Variants in IGF2BP2 observed in about 807,000 individuals in gnomAD.
The protein encoded by IGF2BP2 is insulin-like growth factor 2 mRNA-binding protein 2.
A neutral mutation model predicts 75.8 loss-of-function variants in IGF2BP2; 17 were observed. That is an observed-to-expected ratio of 0.22 (90% CI 0.15 to 0.34). The LOEUF (loss-of-function observed/expected upper bound fraction) is 0.34, where lower values mean the gene tolerates loss of function less well. Among genes scored for constraint, IGF2BP2 ranks in the 10% least tolerant of loss-of-function variants. IGF2BP2 has a pLI of 1.00. For missense variants in IGF2BP2, 516 were observed against 772.4 expected (o/e 0.67, Z 3.93); for synonymous variants, 288 against 295.6 (o/e 0.97, Z 0.26).
At chr3:185,782,755 T>A (rs1280420802) in intron 2 of IGF2BP2, among the ~76,000 whole-genome samples, 1 of 152,096 alleles carries the variant, frequency 6.6e-6, no homozygotes, top group African/African-American at 2.4e-5. Context: ...AGCATGAAAC[T>A]CACAGGGTAC....
intron 7 of IGF2BP2, among the ~76,000 whole-genome samples, chr3:185,679,384 T>A (rs1720032286): frequency 6.6e-6 from 1 of 152,182 alleles, no homozygotes; most frequent in South Asian, 2.1e-4. Flanking sequence ...TCTACTTTTT[T>A]ACCCCATCCC....
rs781120371 is a variant in IGF2BP2 at position 185,697,095 on chromosome 3, T to TTTTTG, written c.289-437_289-433dup. On this transcript the variant is annotated intron_variant, in intron 3 of 15. Coordinates refer to ENST00000382199, the MANE Select transcript of IGF2BP2 (RefSeq NM_006548.6). ...TTGAAATGTTCCATAATAATCAGGTTTTTTGTTTTGTTTTGTTTTGTTTGA... is the reference window on the plus strand; with the variant it reads ...TTGAAATGTTCCATAATAATCAGGTTTTTTGTTTTGTTTTGTTTTGTTTTGTTTGA... 2.0e-3 allele frequency among the ~76,000 whole-genome samples: 297 copies of TTTTTG among 148,944 alleles called. 1 individual carries two copies. The highest frequency in any genetic ancestry group is 5.4e-3 in the African/African-American group (214 of 39,568).
intron 2 of IGF2BP2, among the ~76,000 whole-genome samples, chr3:185,810,323 A>G (rs146891093): frequency 1.3e-5 from 2 of 152,236 alleles, no homozygotes; most frequent in African/African-American, 4.8e-5. Context: ...ACAGAAGCAG[A>G]GTCCATATGG....
intron 9 of IGF2BP2, chr3:185,674,890 G>C (rs1312361761): frequency 6.5e-6 from 1 of 154,718 alleles, no homozygotes; most frequent in Non-Finnish European, 1.4e-5. Context: ...GGAGTGCAGT[G>C]GTGTAATGCC....
At chr3:185,802,046 G>C (rs1738361821) in intron 2 of IGF2BP2, among the ~76,000 whole-genome samples, 1 of 151,970 alleles carries the variant, frequency 6.6e-6, no homozygotes, top group Non-Finnish European at 1.5e-5. Context: ...AGAGCATTAA[G>C]ACAAATACCT....
chr3:185,677,523 G>C (rs1474565702), intron 7 of IGF2BP2, among the ~76,000 whole-genome samples: 1 of 152,058 alleles, frequency 6.6e-6, no homozygotes, highest in African/African-American at 2.4e-5. Context: ...TTTTTCAAAT[G>C]CCCAAATCCC....
chr3:185,673,876 C>G (rs1226895517), intron 9 of IGF2BP2, among the ~76,000 whole-genome samples: 1 of 152,190 alleles, frequency 6.6e-6, no homozygotes, highest in African/African-American at 2.4e-5. Context: ...CACTCAGGCC[C>G]TTCTGTAGCT....
chr3:185,717,992 T>C (rs1725897023), intron 2 of IGF2BP2: 1 of 152,268 alleles, frequency 6.6e-6, no homozygotes, highest in Non-Finnish European at 1.5e-5. Flanking sequence ...CATGATCTCT[T>C]GCATGGGCTG....
Position 185,649,532 on chromosome 3 carries a change from G to C in IGF2BP2, c.1464C>G (p.Ala488=). The C allele has an allele frequency of 6.2e-7, 1 of 1,613,976 alleles. No homozygotes were observed. The highest frequency in any genetic ancestry group is 8.5e-7 in the Non-Finnish European group (1 of 1,179,988). The part of the protein sequence containing the change: ...ITGPPEAQFK[A]QGRIFGKLKE... ...TCAGTTTCCCAAAGATCCGTCCCTG[G>C]GCCTGAGAGAGCAAGACATGACTAA... is the stretch of plus-strand genomic sequence containing the variant. The change falls in exon 14 of 16, where the codon GCC becomes GCG. Residue 488 remains alanine (A), a splice_region_variant and synonymous_variant. Coordinates refer to ENST00000382199, the MANE Select transcript of IGF2BP2 (RefSeq NM_006548.6).
chr3:185,824,559 C>G (rs1741787094), intron 1 of IGF2BP2, among the ~76,000 whole-genome samples: 1 of 140,254 alleles, frequency 7.1e-6, no homozygotes, highest in Non-Finnish European at 1.5e-5. Context: ...CGCCCCAAGG[C>G]TGCGGCCCCG....
At chr3:185,689,253 C>T (rs987197916) in intron 6 of IGF2BP2, 102 bp downstream of exon 6, 2 of 1,210,646 alleles carry the variant, frequency 1.7e-6, no homozygotes, top group Non-Finnish European at 1.2e-6. Context: ...AGCACAGCCC[C>T]CCACTGCTGA....
chr3:185,654,439 C>T (rs749360455), intron 12 of IGF2BP2, among the ~76,000 whole-genome samples: 1 of 152,324 alleles, frequency 6.6e-6, no homozygotes, highest in East Asian at 1.9e-4. Context: ...GTTCCCAGCT[C>T]CTACCACCAC....
intron 12 of IGF2BP2, among the ~76,000 whole-genome samples, chr3:185,657,074 AT>A (rs1301498822): frequency 6.6e-6 from 1 of 152,170 alleles, no homozygotes; most frequent in East Asian, 1.9e-4. Flanking sequence ...GTCTGCTACT[AT>A]TTTTTTCTAA....
intron 15 of IGF2BP2, among the ~76,000 whole-genome samples, chr3:185,646,471 C>T (rs549402987): frequency 6.6e-6 from 1 of 152,218 alleles, no homozygotes; most frequent in East Asian, 1.9e-4. Context: ...ACTCAATTTA[C>T]AAAAGCATCA....
intron 2 of IGF2BP2, among the ~76,000 whole-genome samples, chr3:185,752,745 T>A (rs1187162620): frequency 1.3e-5 from 2 of 151,988 alleles, no homozygotes; most frequent in Non-Finnish European, 2.9e-5. Context: ...TACATGTGTG[T>A]GCCACCACAC....
chr3:185,807,305 G>A (rs947035356), intron 2 of IGF2BP2, among the ~76,000 whole-genome samples: 4 of 152,158 alleles, frequency 2.6e-5, no homozygotes, highest in Admixed American at 2.6e-4. Context: ...CTAAAAATGT[G>A]ACCCCACCTA....
intron 2 of IGF2BP2, chr3:185,820,992 G>C: frequency 6.5e-7 from 1 of 1,534,454 alleles, no homozygotes; most frequent in Non-Finnish European, 8.7e-7. Context: ...TAAAAGCTTT[G>C]GTTTCAAATG....
chr3:185,649,363 A>C (rs1714168033), intron 14 of IGF2BP2, 40 bp downstream of exon 14: 2 of 1,608,478 alleles, frequency 1.2e-6, no homozygotes, highest in Non-Finnish European at 1.7e-6. Context: ...AGAGCGGGGA[A>C]TCTGACCCAG....
At chr3:185,809,928 A>AT (rs1218477068) in intron 2 of IGF2BP2, among the ~76,000 whole-genome samples, 3 of 152,166 alleles carry the variant, frequency 2.0e-5, no homozygotes, top group Non-Finnish European at 2.9e-5. Flanking sequence ...GGAACTTCAA[A>AT]TTTTTTAAAT....
Sources: gnomAD v4.1 joint callset for allele counts (sites outside exome capture counted in the v4.1 genomes callset) on GRCh38, gnomAD v4.1.1 for gene constraint, MANE v1.5 for transcripts, NCBI Gene and HGNC (gene_info 2026-07-23, HGNC 2026-07-21) for gene names.